The following CALCRL variants were observed in gnomAD, a reference collection of about 807,000 sequenced individuals.
CALCRL encodes calcitonin receptor like receptor, also known as calcitonin gene-related peptide type 1 receptor.
In CALCRL, 27 loss-of-function variants were observed where a neutral mutation model predicts 60.4. The observed-to-expected ratio is 0.45, with a 90% CI of 0.33 to 0.62. CALCRL has a LOEUF of 0.62. Ranked by LOEUF, CALCRL falls within the 20% of genes least tolerant of loss-of-function variation. CALCRL has a pLI of 0.03. For synonymous variants in CALCRL, 190 were observed against 182.6 expected, an observed-to-expected ratio of 1.04 and a Z score of -0.33; for missense variants, 424 against 540.7, an observed-to-expected ratio of 0.78 and a Z score of 2.14.
chr2:187,375,384 A>G (rs1687711928), intron 8 of CALCRL, among the ~76,000 whole-genome samples: 1 of 152,038 alleles, frequency 6.6e-6, no homozygotes, highest in African/African-American at 2.4e-5. Flanking sequence ...TTCACTATAT[A>G]GAATAAACAG....
intron 14 of CALCRL, among the ~76,000 whole-genome samples, chr2:187,348,903 A>G (rs547018215): frequency 6.6e-6 from 1 of 151,820 alleles, no homozygotes; most frequent in East Asian, 1.9e-4. Context: ...GCTGGGTGTT[A>G]TTAAAGATAT....
intron 1 of CALCRL, among the ~76,000 whole-genome samples, chr2:187,392,270 C>T (rs913284283): frequency 6.6e-6 from 1 of 152,028 alleles, no homozygotes; most frequent in Non-Finnish European, 1.5e-5. Context: ...TTTGAAATAA[C>T]TTCGATTTTT....
At chr2:187,397,470 C>T (rs1451969705) in intron 1 of CALCRL, among the ~76,000 whole-genome samples, 1 of 151,492 alleles carries the variant, frequency 6.6e-6, no homozygotes, top group Admixed American at 6.6e-5. Context: ...CAAATATGGA[C>T]TTCTTAAAGA....
Position 187,397,498 on chromosome 2 carries a change from T to A in CALCRL, c.-292-9742A>T, listed in dbSNP as rs1688711408. Among the ~76,000 whole-genome samples, 3 of 151,690 alleles carry A rather than the reference T, an allele frequency of 2.0e-5. No individual in the cohort carries two copies. The South Asian group carries it at 6.2e-4, about 31-fold the overall frequency. On this transcript the variant is annotated intron_variant, in intron 1 of 14. Transcript: ENST00000392370. ...CTTAAAGAATATAATGCTAAGCCAA[T>A]TAAAAATAAGACATAAAACCTCCCA...
At chr2:187,420,671 T>C (rs1379910245) in intron 1 of CALCRL, among the ~76,000 whole-genome samples, 1 of 152,130 alleles carries the variant, frequency 6.6e-6, no homozygotes, top group Non-Finnish European at 1.5e-5. Context: ...AAAATAATAA[T>C]TTTGAAATAT....
chr2:187,371,170 G>A (rs1358948210), intron 8 of CALCRL, among the ~76,000 whole-genome samples: 1 of 151,872 alleles, frequency 6.6e-6, no homozygotes, highest in African/African-American at 2.4e-5. Context: ...TGTGAACCTG[G>A]GCGGGAGCTT....
intron 1 of CALCRL, among the ~76,000 whole-genome samples, chr2:187,425,226 A>G (rs1288958661): frequency 1.3e-5 from 2 of 151,988 alleles, no homozygotes; most frequent in African/African-American, 2.4e-5. Context: ...TTATGACAAC[A>G]TAAATGTTGA....
intron 1 of CALCRL, among the ~76,000 whole-genome samples, chr2:187,447,128 G>A (rs1416913756): frequency 6.6e-6 from 1 of 151,894 alleles, no homozygotes; most frequent in Admixed American, 6.6e-5. Context: ...ATTAACAGAT[G>A]TTTTATCCAA....
chr2:187,396,929 A>G (rs1425335402), intron 1 of CALCRL, among the ~76,000 whole-genome samples: 1 of 151,754 alleles, frequency 6.6e-6, no homozygotes, highest in Non-Finnish European at 1.5e-5. Flanking sequence ...AATACCAGTT[A>G]CAAGTAGAAA....
chr2:187,434,440 C>G (rs1233236799), intron 1 of CALCRL, among the ~76,000 whole-genome samples: 1 of 152,100 alleles, frequency 6.6e-6, no homozygotes, highest in Non-Finnish European at 1.5e-5. Flanking sequence ...CAATGAGATG[C>G]TATGTTACAC....
intron 8 of CALCRL, among the ~76,000 whole-genome samples, chr2:187,368,129 C>T (rs565381249): frequency 2.9e-4 from 44 of 152,078 alleles, no homozygotes; most frequent in African/African-American, 1.0e-3. Flanking sequence ...TAATTTAGGG[C>T]TAACAATTGT....
intron 10 of CALCRL, 64 bp downstream of exon 10, chr2:187,360,534 A>G: frequency 5.1e-6 from 7 of 1,379,560 alleles, no homozygotes; most frequent in Non-Finnish European, 6.9e-6. Flanking sequence ...TTACAAAGGA[A>G]CCTGGCATCC....
At chr2:187,414,896 A>C (rs1428649531) in intron 1 of CALCRL, among the ~76,000 whole-genome samples, 1 of 151,916 alleles carries the variant, frequency 6.6e-6, no homozygotes, top group African/African-American at 2.4e-5. Flanking sequence ...TTTTAAAAAA[A>C]AAAAGGTAGT....
In CALCRL at chr2:187,359,255, C is replaced by A; in HGVS notation, c.799G>T (p.Ala267Ser). 1.3e-6 allele frequency: 2 copies of A among 1,563,730 alleles called. No homozygotes were observed. The highest frequency in any genetic ancestry group is 1.7e-6 in the Non-Finnish European group (2 of 1,154,508). ...FLGWGFPLIP[A>S]CIHAIARSLY... ...CTTCTAGCAATGGCATGTATACAAGCAGGAATCAGTGGAAATCCTGTAATA... is the reference window on the plus strand; with the variant it reads ...CTTCTAGCAATGGCATGTATACAAGAAGGAATCAGTGGAAATCCTGTAATA... The change falls in exon 11 of 15, where the codon GCT (alanine) becomes TCT (serine). Residue 267 changes from alanine to serine, a missense_variant. Coordinates refer to ENST00000392370, the MANE Select transcript of CALCRL (RefSeq NM_005795.6).
At chr2:187,377,606 A>G (rs1243380884) in intron 8 of CALCRL, among the ~76,000 whole-genome samples, 1 of 152,112 alleles carries the variant, frequency 6.6e-6, no homozygotes, top group Non-Finnish European at 1.5e-5. Context: ...AAATCCCAAG[A>G]CTCTGGGAAT....
At chr2:187,419,965 T>A (rs1350103420) in intron 1 of CALCRL, among the ~76,000 whole-genome samples, 1 of 152,220 alleles carries the variant, frequency 6.6e-6, no homozygotes, top group Non-Finnish European at 1.5e-5. Context: ...AGCTGGCTCA[T>A]ATACTGACAA....
chr2:187,442,650 T>G (rs1690972322), intron 1 of CALCRL, among the ~76,000 whole-genome samples: 1 of 151,922 alleles, frequency 6.6e-6, no homozygotes, highest in Non-Finnish European at 1.5e-5. Context: ...AAAGCTGAAT[T>G]TATTGGATCC....
intron 10 of CALCRL, 128 bp downstream of exon 10, chr2:187,360,470 A>G: frequency 1.3e-6 from 1 of 796,212 alleles, no homozygotes; most frequent in East Asian, 2.8e-5. Context: ...AAGAATAAGC[A>G]AAAGTTAATC....
intron 8 of CALCRL, among the ~76,000 whole-genome samples, chr2:187,367,714 A>T (rs1687356135): frequency 6.6e-6 from 1 of 152,126 alleles, no homozygotes; most frequent in Non-Finnish European, 1.5e-5. Context: ...GTCTTAGAGA[A>T]TGTTTACAAA....
Sources: gnomAD v4.1 joint callset for allele counts (sites outside exome capture counted in the v4.1 genomes callset) on GRCh38, gnomAD v4.1.1 for gene constraint, MANE v1.5 for transcripts, NCBI Gene and HGNC (gene_info 2026-07-23, HGNC 2026-07-21) for gene names.